The following CYP11B1 variants were observed in gnomAD, a reference collection of about 807,000 sequenced individuals.
CYP11B1 encodes the protein cytochrome P450 family 11 subfamily B member 1, also known as cytochrome P450 11B1, mitochondrial.
In CYP11B1, 34 loss-of-function variants were observed where a neutral mutation model predicts 48.3. The observed-to-expected ratio is 0.70, with a 90% CI of 0.54 to 0.94. The LOEUF (loss-of-function observed/expected upper bound fraction) is 0.94, where lower values mean the gene tolerates loss of function less well. CYP11B1 is among the 40% of genes least tolerant of loss of function. CYP11B1 has a pLI of 0.00. For missense variants in CYP11B1, 688 were observed against 657.4 expected (o/e 1.05, Z -0.51); for synonymous variants, 291 against 262.5 (o/e 1.11, Z -1.05).
chr8:142,878,897 C>T, intron 2 of CYP11B1, 135 bp downstream of exon 2: 2 of 1,363,280 alleles, frequency 1.5e-6, no homozygotes, highest in Non-Finnish European at 2.0e-6. Context: ...GAATGGCCGT[C>T]CTCTGGGTCG....
chr8:142,876,399 T>C lies in CYP11B1; in HGVS notation c.800-4A>G. 6.2e-7 allele frequency: 1 copy of C among 1,612,976 alleles called. No individual in the cohort carries two copies. The highest frequency in any genetic ancestry group is 2.2e-5 in the East Asian group (1 of 44,836). ...ATTTTCTGGATACAGTTGTCGCCTATCCGGGGAGCGGGAGGCAGCCCTCAG... is the reference window on the plus strand; with the variant it reads ...ATTTTCTGGATACAGTTGTCGCCTACCCGGGGAGCGGGAGGCAGCCCTCAG... On this transcript the variant is annotated splice_polypyrimidine_tract_variant and splice_region_variant and intron_variant, in intron 4 of 8. Transcript: ENST00000292427.
Position 142,876,295 on chromosome 8 carries a change from C to G in CYP11B1, c.900G>C (p.Ser300=). 1 of 1,613,242 alleles carries G rather than the reference C, an allele frequency of 6.2e-7. No individual in the cohort carries two copies. Among genetic ancestry groups the G allele is most frequent in the Non-Finnish European group, 8.5e-7 (1 of 1,180,022 alleles). The change falls in exon 5 of 9, where the codon TCG becomes TCC. Residue 300 remains serine (S), a synonymous_variant. Transcript: ENST00000292427. ...TAGAGTTGGCCTTGATGGCATCTGG[C>G]GACAGTTCCGCATTCAACAGGAGCT... ...VAELLLNAEL[S]PDAIKANSME...
chr8:142,879,418 C>G (rs61751136), intron 1 of CYP11B1, 157 bp downstream of exon 1: 8 of 1,612,836 alleles, frequency 5.0e-6, no homozygotes, highest in Non-Finnish European at 6.8e-6. Context: ...GCCCTGGCAG[C>G]GCCACAGACC....
Position 142,872,447 on chromosome 8 carries a change from T to A in CYP11B1, c.*1926A>T, listed in dbSNP as rs1449431284. 6.6e-6 allele frequency: 1 copy of A among 152,270 alleles called. No homozygotes were observed. The allele number at this position is 152,270 out of a possible 1,614,324, so 9.4% of individuals were successfully genotyped here. On this transcript the variant is annotated 3_prime_UTR_variant, in exon 9 of 9. Transcript: ENST00000292427. ...CTCCTTTCTTCTTTCCTGTTTCTCCTTTCTGGAATGGGAATGTTTATCCTA... is the reference window on the plus strand; with the variant it reads ...CTCCTTTCTTCTTTCCTGTTTCTCCATTCTGGAATGGGAATGTTTATCCTA...
intron 8 of CYP11B1, 80 bp from the exon 9 acceptor site, chr8:142,874,566 G>A: frequency 1.0e-6 from 1 of 991,798 alleles, no homozygotes; most frequent in African/African-American, 1.6e-5. Context: ...CCTCAAAGTT[G>A]CAGAGATTAT....
In CYP11B1 at chr8:142,875,005, G is replaced by A. The variant is rs756646001; in HGVS notation, c.1350C>T (p.Cys450=). 17 of 1,614,226 alleles carry A rather than the reference G, an allele frequency of 1.1e-5. No homozygotes were observed. Among genetic ancestry groups the A allele is most frequent in the Non-Finnish European group, 1.4e-5 (16 of 1,180,050 alleles). Reference sequence around the variant, plus strand: ...CTGCCTCTGCCAGGCGCCGCCCAAGGCACTGGCGCATGCCAAAGCCAAAGG... The same window carrying A: ...CTGCCTCTGCCAGGCGCCGCCCAAGACACTGGCGCATGCCAAAGCCAAAGG... ...HVPFGFGMRQ[C]LGRRLAEAEM... Residue 450 remains cysteine, a synonymous_variant, in exon 8 of 9, where the codon TGC becomes TGT. Coordinates refer to ENST00000292427, the MANE Select transcript of CYP11B1 (RefSeq NM_000497.4).
At chr8:142,874,858 G>T in intron 8 of CYP11B1, 99 bp downstream of exon 8, 1 of 1,437,036 alleles carries the variant, frequency 7.0e-7, no homozygotes, top group Non-Finnish European at 9.6e-7. Context: ...GAAACATGCA[G>T]GCCACTCCCA....
At chr8:142,874,566 G>T in intron 8 of CYP11B1, 80 bp from the exon 9 acceptor site, 1 of 991,796 alleles carries the variant, frequency 1.0e-6, no homozygotes, top group Non-Finnish European at 1.6e-6. Context: ...CCTCAAAGTT[G>T]CAGAGATTAT....
intron 2 of CYP11B1, chr8:142,877,692 C>T (rs1817005419): frequency 4.6e-6 from 7 of 1,537,220 alleles, no homozygotes; most frequent in Non-Finnish European, 6.2e-6. Context: ...GGGCAGCAGC[C>T]CCAGTGAAGT....
intron 1 of CYP11B1, 114 bp downstream of exon 1, chr8:142,879,461 A>G (rs1180257391): frequency 3.1e-6 from 5 of 1,613,704 alleles, no homozygotes; most frequent in Non-Finnish European, 4.2e-6. Context: ...CATCTTCCAA[A>G]GGATGCAGAG....
In CYP11B1 at chr8:142,874,509, A is replaced by G. The variant is rs143119372; in HGVS notation, c.1399-23T>C. 2.6e-6 allele frequency: 4 copies of G among 1,562,268 alleles called. No individual in the cohort carries two copies. The South Asian group carries it at 3.3e-5, about 13-fold the overall frequency. Reference sequence around the variant, plus strand: ...CACCTAGGACAGAAGCCGGGTTTCCATCTGGCTTGGTCCGCAGCCCATGCA... The same window carrying G: ...CACCTAGGACAGAAGCCGGGTTTCCGTCTGGCTTGGTCCGCAGCCCATGCA... On this transcript the variant is annotated intron_variant, in intron 8 of 8. Transcript: ENST00000292427.
In CYP11B1 at chr8:142,875,831, G is replaced by C. The variant is rs749576518; in HGVS notation, c.1002C>G (p.Pro334=). The change falls in exon 6 of 9, where the codon CCC becomes CCG. Residue 334 remains proline (P), a synonymous_variant. Coordinates refer to ENST00000292427, the MANE Select transcript of CYP11B1 (RefSeq NM_000497.4). ...CCTGGCGCAGGGCCTGCTGCACGTT[G>C]GGGTTCCGAGCCAGCTCAAAGAGCG... The part of the protein sequence containing the change: ...LMTLFELARN[P]NVQQALRQES... The C allele has an allele frequency of 6.2e-7, 1 of 1,614,132 alleles. No homozygotes were observed. Among genetic ancestry groups the C allele is most frequent in the Non-Finnish European group, 8.5e-7 (1 of 1,180,014 alleles).
At position 142,874,310 on chromosome 8, in the gene CYP11B1, G is replaced by T; in HGVS notation, c.*63C>A. On this transcript the variant is annotated 3_prime_UTR_variant, in exon 9 of 9. Coordinates refer to ENST00000292427, the MANE Select transcript of CYP11B1 (RefSeq NM_000497.4). ...GTGCATGTGGGAGAGAAGAGGGGTG[G>T]CCTGGGGTCAGGCAGAAAGGGAGGC... 1.8e-6 allele frequency: 2 copies of T among 1,129,726 alleles called. No homozygotes were observed. The highest frequency in any genetic ancestry group is 2.7e-6 in the Non-Finnish European group (2 of 737,928). 70.0% of individuals were successfully genotyped at this position (1,129,726 alleles called of 1,614,324 possible). A position where few individuals can be genotyped will look rare whatever the true frequency, so the allele number is the denominator to read the frequency against.
Position 142,878,876 on chromosome 8 carries a change from A to G in CYP11B1, c.395+156T>C, listed in dbSNP as rs574102213. On this transcript the variant is annotated intron_variant, in intron 2 of 8. Coordinates refer to ENST00000292427, the MANE Select transcript of CYP11B1 (RefSeq NM_000497.4). ...TGCTTCCCCAACCCACAGGGCAGAC[A>G]CGACCCCACGGAATGGCCGTCCTCT... Among the ~76,000 whole-genome samples the G allele has an allele frequency of 4.8e-3, 729 of 152,126 alleles. 6 individuals carry two copies. The highest frequency in any genetic ancestry group is 0.015 in the African/African-American group (638 of 41,498).
At chr8:142,878,224 C>T (rs1453459072) in intron 2 of CYP11B1, among the ~76,000 whole-genome samples, 2 of 152,182 alleles carry the variant, frequency 1.3e-5, no homozygotes. Flanking sequence ...CTGACTCCCT[C>T]CCAGATGTCG....
Position 142,875,710 on chromosome 8 carries a change from A to G in CYP11B1, c.1121+2T>C. On this transcript the variant is annotated splice_donor_variant, in intron 6 of 8. Transcript: ENST00000292427. LOFTEE classifies it high-confidence loss of function. ...CACAGGGAGGCCTCAGCCAGCACCC[A>G]CCGCAAGGTCTCCTTGAGGGCCGCA... The G allele has an allele frequency of 6.2e-7, 1 of 1,613,460 alleles. No homozygotes were observed. Among genetic ancestry groups the G allele is most frequent in the Non-Finnish European group, 8.5e-7 (1 of 1,179,876 alleles).
chr8:142,879,699 C>T lies in CYP11B1; in HGVS notation c.115G>A (p.Glu39Lys), dbSNP rs1817085799. 1 of 1,614,244 alleles carries T rather than the reference C, an allele frequency of 6.2e-7. No individual in the cohort carries two copies. The highest frequency in any genetic ancestry group is 1.3e-5 in the African/African-American group (1 of 75,070). Residue 39 changes from glutamate to lysine, a missense_variant, in exon 1 of 9, where the codon GAA (glutamate) becomes AAA (lysine). Coordinates refer to ENST00000292427, the MANE Select transcript of CYP11B1 (RefSeq NM_000497.4). ...ARVPRTVLPF[E>K]AMPRRPGNRW... ...TTGCCTGGACGCCGGGGCATGGCTT[C>T]AAAGGGCAGCACTGTCCTGGGGACC...
At chr8:142,879,403 C>T (rs1817072656) in intron 1 of CYP11B1, 172 bp downstream of exon 1, 2 of 1,612,344 alleles carry the variant, frequency 1.2e-6, no homozygotes, top group East Asian at 4.5e-5. Flanking sequence ...TCTGCACCAT[C>T]CCCTGCCCTG....
Position 142,877,062 on chromosome 8 carries a change from G to C in CYP11B1, c.556C>G (p.Leu186Val), listed in dbSNP as rs1586559625. The C allele has an allele frequency of 6.2e-7, 1 of 1,614,000 alleles. No individual in the cohort carries two copies. Among genetic ancestry groups the C allele is most frequent in the Non-Finnish European group, 8.5e-7 (1 of 1,179,970 alleles). ...VLQNARGSLT[L>V]DVQPSIFHYT... ...TGGAAGATGCTGGGCTGGACGTCCAGGGTCAGGCTCCCCCGGGCGTTCTGC... is the reference window on the plus strand; with the variant it reads ...TGGAAGATGCTGGGCTGGACGTCCACGGTCAGGCTCCCCCGGGCGTTCTGC... The change falls in exon 3 of 9, where the codon CTG (leucine) becomes GTG (valine). Residue 186 changes from leucine (L) to valine (V), a missense_variant. Physicochemically the swap from Leu to Val is conservative, Grantham distance 32. Transcript: ENST00000292427.
Sources: allele counts gnomAD v4.1 joint callset (sites outside exome capture counted in the v4.1 genomes callset), GRCh38; gene constraint gnomAD v4.1.1; transcripts MANE v1.5; gene names NCBI Gene and HGNC (gene_info 2026-07-23, HGNC 2026-07-21).